LARP4B: variants seen among roughly 807,000 people sequenced by gnomAD.
LARP4B encodes la-related protein 4B.
A neutral mutation model predicts 89.8 loss-of-function variants in LARP4B; 12 were observed. The ratio of observed to expected loss-of-function variants is 0.13; its 90% CI spans 0.09 to 0.22. The LOEUF (loss-of-function observed/expected upper bound fraction) is 0.22, where lower values mean the gene tolerates loss of function less well. LARP4B is among the 10% of genes least tolerant of loss of function. The pLI, the probability that LARP4B is intolerant of heterozygous loss-of-function variation, is 1.00. For missense variants in LARP4B, 757 were observed against 947.7 expected, an observed-to-expected ratio of 0.80 and a Z score of 2.64; for synonymous variants, 367 against 363.3, an observed-to-expected ratio of 1.01 and a Z score of -0.12.
chr10:872,358 T>G (rs1835257716), intron 3 of LARP4B, among the ~76,000 whole-genome samples: 1 of 152,160 alleles, frequency 6.6e-6, no homozygotes, highest in Non-Finnish European at 1.5e-5. Context: ...GCCCCTGACA[T>G]GGCACGCGAG....
chr10:945,548 C>T, the LARP4B span, among the ~76,000 whole-genome samples: 3 of 151,860 alleles, frequency 2.0e-5, no homozygotes, highest in Admixed American at 6.6e-5. Context: ...ATTAGCCGGG[C>T]ATGGTGGCGG....
At chr10:915,107 G>C (rs1258990516) in intron 1 of LARP4B, among the ~76,000 whole-genome samples, 1 of 152,140 alleles carries the variant, frequency 6.6e-6, no homozygotes, top group Non-Finnish European at 1.5e-5. Flanking sequence ...AAAGTTTATG[G>C]AAATTTTATC....
In LARP4B at chr10:825,755, G is replaced by A. The variant is rs759175348; in HGVS notation, c.1232+9C>T. 122 of 1,606,414 alleles carry A rather than the reference G, an allele frequency of 7.6e-5. No homozygotes were observed. The highest frequency in any genetic ancestry group is 3.1e-4 in the East Asian group (14 of 44,820). ...AGACCAAAACTGCTAAGACCGCCCC[G>A]GAACTTGCCTGCTTCGAGGAGGATA... On this transcript the variant is annotated intron_variant, in intron 12 of 17. Transcript: ENST00000316157.
chr10:956,491 G>GC, the LARP4B span, among the ~76,000 whole-genome samples: 1 of 151,886 alleles, frequency 6.6e-6, no homozygotes, highest in Non-Finnish European at 1.5e-5. The surrounding 1 kb of genome is among the most constrained non-coding windows in gnomAD (Gnocchi z 4.3). Context: ...GACTACAGGC[G>GC]CCCGCCACCA....
At chr10:836,896 A>T (rs1040158989) in intron 7 of LARP4B, among the ~76,000 whole-genome samples, 1 of 152,186 alleles carries the variant, frequency 6.6e-6, no homozygotes, top group African/African-American at 2.4e-5. Context: ...TTACATTAGG[A>T]TGCTCATGTG....
intron 5 of LARP4B, among the ~76,000 whole-genome samples, chr10:857,870 C>T (rs182548203): frequency 6.6e-6 from 1 of 152,254 alleles, no homozygotes; most frequent in East Asian, 1.9e-4. Flanking sequence ...AAGATGGATC[C>T]TTTAAATTAG....
intron 1 of LARP4B, among the ~76,000 whole-genome samples, chr10:895,874 T>C (rs1290411619): frequency 6.6e-6 from 1 of 152,154 alleles, no homozygotes; most frequent in Non-Finnish European, 1.5e-5. Flanking sequence ...ACTAACAATG[T>C]GTGATTAACT....
the LARP4B span, among the ~76,000 whole-genome samples, chr10:975,656 T>A: frequency 6.6e-6 from 1 of 152,160 alleles, no homozygotes; most frequent in East Asian, 1.9e-4. Flanking sequence ...GGAAACACAA[T>A]AGGAAGGCAA....
chr10:976,934 G>A, the LARP4B span, among the ~76,000 whole-genome samples: 9 of 151,858 alleles, frequency 5.9e-5, no homozygotes, highest in South Asian at 6.3e-4. Flanking sequence ...TGTGCAGCCC[G>A]GCCTAGTAGA....
chr10:939,871 T>C, the LARP4B span, among the ~76,000 whole-genome samples: 22 of 152,264 alleles, frequency 1.4e-4, no homozygotes, highest in Non-Finnish European at 2.8e-4. Context: ...TGAGACAGAG[T>C]CTTGCTCTGT....
chr10:875,962 T>A (rs937969897), intron 3 of LARP4B, among the ~76,000 whole-genome samples: 1 of 152,052 alleles, frequency 6.6e-6, no homozygotes, highest in African/African-American at 2.4e-5. Context: ...AAGTCCAGAG[T>A]CTCATCTGAA....
the LARP4B span, chr10:985,426 A>C: frequency 6.6e-6 from 1 of 152,262 alleles, no homozygotes; most frequent in South Asian, 2.1e-4. Context: ...CCTGGTAGAT[A>C]GTAAGTGAGC....
At chr10:922,680 T>C (rs1164543073) in intron 1 of LARP4B, among the ~76,000 whole-genome samples, 2 of 87,092 alleles carry the variant, frequency 2.3e-5, no homozygotes, top group Admixed American at 2.3e-4. Flanking sequence ...GTCTGTTAAA[T>C]AAATAAATAA....
intron 14 of LARP4B, 70 bp from the exon 15 acceptor site, chr10:817,959 C>T: frequency 7.0e-7 from 1 of 1,436,872 alleles, no homozygotes; most frequent in Non-Finnish European, 9.6e-7. Flanking sequence ...GTTTCCACAC[C>T]TGTCTGGAAA....
chr10:957,800 C>CTTTTTTTT, the LARP4B span, among the ~76,000 whole-genome samples: 1 of 125,106 alleles, frequency 8.0e-6, no homozygotes, highest in Non-Finnish European at 1.7e-5. Context: ...CATTTTCTTT[C>CTTTTTTTT]TTTTTTTTTT....
Position 871,976 on chromosome 10 carries a change from T to A in LARP4B, c.142-7706A>T, listed in dbSNP as rs1292818283. ...GTCAGTACAAAAGCTACCAGGTGAA[T>A]GTGCAGTGTCAGTACGGAAGCCACC... On this transcript the variant is annotated intron_variant, in intron 3 of 17. Transcript: ENST00000316157. Among the ~76,000 whole-genome samples the A allele has an allele frequency of 2.0e-5, 3 of 152,148 alleles. No individual in the cohort carries two copies. In the East Asian group the frequency reaches 5.8e-4, roughly 29 times the overall value.
chr10:926,206 T>C (rs749555413), intron 1 of LARP4B, among the ~76,000 whole-genome samples: 1 of 152,246 alleles, frequency 6.6e-6, no homozygotes, highest in Non-Finnish European at 1.5e-5. Context: ...ACAAGGAGCT[T>C]ACATTAATTA....
At chr10:981,557 T>C in the LARP4B span, among the ~76,000 whole-genome samples, 1 of 152,136 alleles carries the variant, frequency 6.6e-6, no homozygotes, top group Non-Finnish European at 1.5e-5. Flanking sequence ...TTTAGGTACT[T>C]TGTACTTTTT....
At chr10:820,731 T>A in intron 14 of LARP4B, 69 bp downstream of exon 14, 1 of 1,364,988 alleles carries the variant, frequency 7.3e-7, no homozygotes, top group Non-Finnish European at 1.0e-6. Context: ...ATCCATTTAA[T>A]TAAATCTCAG....
Sources: gnomAD v4.1 joint callset for allele counts (sites outside exome capture counted in the v4.1 genomes callset) on GRCh38, gnomAD v4.1.1 for gene constraint, Gnocchi (gnomAD v3.1) non-coding constraint, MANE v1.5 for transcripts, NCBI Gene and HGNC (gene_info 2026-07-23, HGNC 2026-07-21) for gene names.